The following ANKLE2 variants were observed in gnomAD, a reference collection of about 807,000 sequenced individuals.
The protein encoded by ANKLE2 is ankyrin repeat and LEM domain-containing protein 2.
ANKLE2 carries 55 observed loss-of-function variants against 84.2 expected under a neutral mutation model. The ratio of observed to expected loss-of-function variants is 0.65; its 90% CI spans 0.53 to 0.82. The LOEUF (loss-of-function observed/expected upper bound fraction) is 0.82. ANKLE2 is among the 40% of genes least tolerant of loss of function. ANKLE2 has a pLI of 0.00. For synonymous variants in ANKLE2, 551 were observed against 486.1 expected (o/e 1.13, Z -1.76); for missense variants, 1,238 against 1,201.9 (o/e 1.03, Z -0.44).
rs773340496 is a variant in ANKLE2 at position 132,727,382 on chromosome 12, G to A, written c.2677C>T (p.His893Tyr). 1 of 1,561,406 alleles carries A rather than the reference G, an allele frequency of 6.4e-7. No homozygotes were observed. The highest frequency in any genetic ancestry group is 8.7e-7 in the Non-Finnish European group (1 of 1,152,740). ...KSQLPDLSGPHSYSPGRNSVA... is the reference protein window; with the variant it reads ...KSQLPDLSGPYSYSPGRNSVA... Reference sequence around the variant, plus strand: ...CTGTTTCTCCCCGGACTGTAGCTGTGAGGGCCACTGAGATCTGGCAGCTGA... The same window carrying A: ...CTGTTTCTCCCCGGACTGTAGCTGTAAGGGCCACTGAGATCTGGCAGCTGA... Residue 893 changes from histidine to tyrosine, a missense_variant, in exon 13 of 13, where the codon CAC becomes TAC. Around this residue, in one of 3 missense-constraint regions of ANKLE2, gnomAD observed 802 missense variants for 774.5 expected, o/e 1.04. Transcript: ENST00000357997.
chr12:132,754,880 T>C lies in ANKLE2; in HGVS notation c.435A>G (p.Pro145=), dbSNP rs2044443140. The change falls in exon 2 of 13, where the codon CCA becomes CCG. Residue 145 remains proline, a synonymous_variant. Transcript: ENST00000357997. ...CTTCAGAAAAACCAGCCTGATCAGTTGGGTTCCCTTCAGCTGGCTTCAAAA... is the reference window on the plus strand; with the variant it reads ...CTTCAGAAAAACCAGCCTGATCAGTCGGGTTCCCTTCAGCTGGCTTCAAAA... ...QRILKPAEGN[P]TDQAGFSEDR... is the part of the protein sequence containing the mutation. The C allele has an allele frequency of 6.2e-7, 1 of 1,614,056 alleles. No individual in the cohort carries two copies. The highest frequency in any genetic ancestry group is 1.7e-5 in the Admixed American group (1 of 60,004).
intron 5 of ANKLE2, among the ~76,000 whole-genome samples, chr12:132,744,077 T>A (rs1446757126): frequency 6.6e-6 from 1 of 152,198 alleles, no homozygotes. Flanking sequence ...CTTCCCCGGA[T>A]GGTGTCACAG....
chr12:132,753,763 C>T (rs898337163), intron 2 of ANKLE2, among the ~76,000 whole-genome samples: 1 of 149,718 alleles, frequency 6.7e-6, no homozygotes, highest in South Asian at 2.1e-4. Flanking sequence ...CAAAACAAAA[C>T]AAAAAAAAAC....
intron 7 of ANKLE2, among the ~76,000 whole-genome samples, chr12:132,739,573 G>T (rs1174602873): frequency 6.6e-6 from 1 of 152,124 alleles, no homozygotes; most frequent in African/African-American, 2.4e-5. Context: ...TTGGCATATT[G>T]ATTTGAGTCC....
intron 10 of ANKLE2, among the ~76,000 whole-genome samples, chr12:132,732,593 G>A (rs2043893320): frequency 7.7e-6 from 1 of 130,486 alleles, no homozygotes; most frequent in Non-Finnish European, 1.6e-5. Context: ...CGTCTGATAC[G>A]CACCGTGTGA....
rs920838624 is a variant in ANKLE2, at chr12:132,727,292, C to T, written c.2767G>A (p.Gly923Arg). The stretch of plus-strand genomic sequence containing the variant: ...CGCGCCATCCTGCGGAGCTGGCTCC[C>T]GTGCACGGGGCTGTAGCGCCCAGGA... The part of the protein sequence containing the change: ...GSPGRYSPVH[G>R]SQLRRMARLA... The change falls in exon 13 of 13, where the codon GGG (glycine) becomes AGG (arginine). Residue 923 changes from glycine (G) to arginine (R), a missense_variant. Coordinates refer to ENST00000357997, the MANE Select transcript of ANKLE2 (RefSeq NM_015114.3). 3.8e-6 allele frequency: 6 copies of T among 1,566,550 alleles called. No homozygotes were observed. The highest frequency in any genetic ancestry group is 5.2e-6 in the Non-Finnish European group (6 of 1,156,258).
chr12:132,732,160 A>G (rs372044204), intron 10 of ANKLE2: 2,352 of 60,062 alleles, frequency 0.039, 38 homozygotes, highest in Middle Eastern at 0.071. Flanking sequence ...AGCGCTCTGC[A>G]TCCTGGTGTC....
At chr12:132,748,481 G>A (rs576853879) in intron 3 of ANKLE2, 150 bp from the exon 4 acceptor site, 13 of 803,818 alleles carry the variant, frequency 1.6e-5, no homozygotes, top group African/African-American at 1.4e-4. Flanking sequence ...AAGGGCCCAC[G>A]GCCACCGGCC....
At chr12:132,750,923 C>T (rs1422212996) in intron 2 of ANKLE2, 74 bp from the exon 3 acceptor site, 20 of 1,357,088 alleles carry the variant, frequency 1.5e-5, no homozygotes, top group Admixed American at 3.6e-5. Context: ...TGCCCTGGGC[C>T]TAACCATCAG....
chr12:132,731,295 C>G (rs2043839554), intron 10 of ANKLE2: 1 of 152,270 alleles, frequency 6.6e-6, no homozygotes, highest in African/African-American at 2.4e-5. Context: ...TACAACACAG[C>G]AAGGTCAGAC....
Position 132,729,874 on chromosome 12 carries a change from A to G in ANKLE2, c.2288T>C (p.Leu763Pro). The change falls in exon 11 of 13, where the codon CTG becomes CCG. Residue 763 changes from leucine (L) to proline (P), a missense_variant. Leu to Pro is a moderately conservative substitution (Grantham distance 98, BLOSUM62 -3). This residue lies in a region of ANKLE2 where 802 missense variants were observed against 774.5 expected (regional missense o/e 1.04). Transcript: ENST00000357997. ...DESTKTKDQI[L>P]TSRINAVERD... ...TTCTACTGCATTGATTCTTGAAGTCAGGATCTGATCTTTAGTTTTTGTACT... is the reference window on the plus strand; with the variant it reads ...TTCTACTGCATTGATTCTTGAAGTCGGGATCTGATCTTTAGTTTTTGTACT... 1 of 1,613,704 alleles carries G rather than the reference A, an allele frequency of 6.2e-7. No individual in the cohort carries two copies. Among genetic ancestry groups the G allele is most frequent in the Non-Finnish European group, 8.5e-7 (1 of 1,179,866 alleles).
At chr12:132,732,610 C>G (rs2043893994) in intron 10 of ANKLE2, among the ~76,000 whole-genome samples, 1 of 126,308 alleles carries the variant, frequency 7.9e-6, no homozygotes, top group African/African-American at 3.0e-5. Flanking sequence ...GTGAAGCTCT[C>G]TGCGTCCTGG....
chr12:132,727,129 A>G lies in ANKLE2; in HGVS notation c.*113T>C, dbSNP rs1037009672. 41 of 1,114,064 alleles carry G rather than the reference A, an allele frequency of 3.7e-5. No individual in the cohort carries two copies. Among genetic ancestry groups the G allele is most frequent in the Non-Finnish European group, 4.5e-5 (37 of 815,326 alleles). The allele number at this position is 1,114,064 out of a possible 1,614,324, so 69.0% of individuals were successfully genotyped here. On this transcript the variant is annotated 3_prime_UTR_variant, in exon 13 of 13. Transcript: ENST00000357997. ...ATCTTCTAAAATTCTCACACCCTCA[A>G]AGTGAGGAGTAATAATTTAATCAGA...
At position 132,725,775 on chromosome 12, in the gene ANKLE2, T is replaced by G. The variant is rs1404199821; in HGVS notation, c.*1467A>C. On this transcript the variant is annotated 3_prime_UTR_variant, in exon 13 of 13. Transcript: ENST00000357997. Reference sequence around the variant, plus strand: ...TCACTACGAATATCCATATTCTGATTTCTTTTGAGAACCAAGGTGCCTTTT... The same window carrying G: ...TCACTACGAATATCCATATTCTGATGTCTTTTGAGAACCAAGGTGCCTTTT... The G allele has an allele frequency of 6.6e-6, 1 of 152,240 alleles. No homozygotes were observed. Among genetic ancestry groups the G allele is most frequent in the African/African-American group, 2.4e-5 (1 of 41,466 alleles). 9.4% of individuals were successfully genotyped at this position (152,240 alleles called of 1,614,324 possible). A position where few individuals can be genotyped will look rare whatever the true frequency, so the allele number is the denominator to read the frequency against.
chr12:132,731,356 T>C (rs1445407713), intron 10 of ANKLE2: 1 of 152,248 alleles, frequency 6.6e-6, no homozygotes, highest in African/African-American at 2.4e-5. Flanking sequence ...AGTTCTGTGG[T>C]TCAGAGTCAC....
At chr12:132,758,831 C>T (rs1173717736) in intron 1 of ANKLE2, 1 of 152,350 alleles carries the variant, frequency 6.6e-6, no homozygotes, top group Admixed American at 6.5e-5. Flanking sequence ...AAGTACACAA[C>T]TTTTGAGACT....
At chr12:132,727,899 A>G (rs2043742340) in intron 12 of ANKLE2, 133 bp downstream of exon 12, 9 of 1,301,568 alleles carry the variant, frequency 6.9e-6, no homozygotes, top group Non-Finnish European at 9.4e-6. Context: ...ACAACACCCA[A>G]ATCCACAGCC....
At position 132,751,834 on chromosome 12, in the gene ANKLE2, T is replaced by C. The variant is rs559294385; in HGVS notation, c.641-985A>G. Among the ~76,000 whole-genome samples, 40 of 152,094 alleles carry C rather than the reference T, an allele frequency of 2.6e-4. No individual in the cohort carries two copies. The South Asian group carries it at 6.3e-3, about 24-fold the overall frequency. ...CTGGGATTACAGGCATGAGCCACTG[T>C]ACCCGGCTGGGAATGCCTTTTTAAA... On this transcript the variant is annotated intron_variant, in intron 2 of 12. Coordinates refer to ENST00000357997, the MANE Select transcript of ANKLE2 (RefSeq NM_015114.3).
At chr12:132,738,617 CG>C (rs1279594890) in intron 7 of ANKLE2, 1 of 151,270 alleles carries the variant, frequency 6.6e-6, no homozygotes, top group African/African-American at 2.4e-5. Flanking sequence ...CTCCACCTCC[CG>C]GGTTCACACC....
Sources: allele counts gnomAD v4.1 joint callset (sites outside exome capture counted in the v4.1 genomes callset), GRCh38; gene constraint gnomAD v4.1.1; regional missense constraint gnomAD v4.1.1; transcripts MANE v1.5; gene names NCBI Gene and HGNC (gene_info 2026-07-23, HGNC 2026-07-21).